ZSCAN5A: variants seen among roughly 807,000 people sequenced by gnomAD.
The protein encoded by ZSCAN5A is zinc finger and SCAN domain-containing protein 5A.
Under a neutral mutation model 23.7 loss-of-function variants are expected in ZSCAN5A, and 12 were observed. That is an observed-to-expected ratio of 0.51 (90% CI 0.32 to 0.82). ZSCAN5A has a LOEUF of 0.82. Among genes scored for constraint, ZSCAN5A ranks in the 40% least tolerant of loss-of-function variants. ZSCAN5A has a pLI of 0.03. For missense variants in ZSCAN5A, 597 were observed against 617.9 expected (o/e 0.97, Z 0.36); for synonymous variants, 257 against 239.9 (o/e 1.07, Z -0.66).
intron 1 of ZSCAN5A, chr19:56,365,819 G>A (rs2041760341): frequency 6.6e-6 from 1 of 152,162 alleles, no homozygotes; most frequent in African/African-American, 2.4e-5. Context: ...AGCTGAATGT[G>A]GTTAAGTCTG....
In ZSCAN5A at chr19:56,223,833, G is replaced by C. The variant is rs773021892; in HGVS notation, c.386C>G (p.Ser129Cys). The C allele has an allele frequency of 8.1e-6, 13 of 1,609,726 alleles. No individual in the cohort carries two copies. The African/African-American group carries it at 1.3e-4, about 17-fold the overall frequency. Residue 129 changes from serine to cysteine, a missense_variant and splice_region_variant, in exon 4 of 6, where the codon TCT (serine) becomes TGT (cysteine). By Grantham distance (112) the Ser-to-Cys change is moderately radical (BLOSUM62 -1). Around this residue, in one of 5 missense-constraint regions of ZSCAN5A, gnomAD observed 27 missense variants for 93.5 expected, o/e 0.29. Transcript: ENST00000683990. ...LRNNRRPKKW[S>C]VVTFHGKEYI... ...TTCCTTTCCGTGGAAGGTGACCACA[G>C]ACTGTAGAGAGAAAAAAGACAATCA...
chr19:56,312,582 A>T (rs964392335), intron 2 of ZSCAN5A: 2 of 152,244 alleles, frequency 1.3e-5, no homozygotes, highest in African/African-American at 4.8e-5. Context: ...TAGAGAAAAA[A>T]CTGGGGAAAT....
chr19:56,265,892 C>T (rs144748132), intron 2 of ZSCAN5A, among the ~76,000 whole-genome samples: 169 of 152,282 alleles, frequency 1.1e-3, no homozygotes, highest in African/African-American at 3.8e-3. Flanking sequence ...TTGAGGGACC[C>T]TGCTTGCTTT....
intron 2 of ZSCAN5A, 123 bp from the exon 3 acceptor site, chr19:56,225,296 TC>T: frequency 1.1e-6 from 1 of 920,968 alleles, no homozygotes; most frequent in Non-Finnish European, 1.5e-6. Context: ...GTGGAAATCT[TC>T]CAGTGTCTAT....
At chr19:56,301,890 G>C in intron 2 of ZSCAN5A, 1 of 1,230,960 alleles carries the variant, frequency 8.1e-7, no homozygotes, top group Non-Finnish European at 1.0e-6. Flanking sequence ...GATCAGAATG[G>C]AGAGACAGCA....
At chr19:56,342,386 C>T in intron 2 of ZSCAN5A, 1 of 230,222 alleles carries the variant, frequency 4.3e-6, no homozygotes, top group South Asian at 7.3e-5. Flanking sequence ...ATTGTAGATA[C>T]TAGTACCCTT....
chr19:56,261,672 G>C (rs997300780), intron 2 of ZSCAN5A, among the ~76,000 whole-genome samples: 1 of 151,972 alleles, frequency 6.6e-6, no homozygotes, highest in African/African-American at 2.4e-5. Flanking sequence ...AAGTGTATTA[G>C]GGGAGAAAAA....
chr19:56,222,496 T>C (rs2033365806), intron 5 of ZSCAN5A, 95 bp downstream of exon 5: 2 of 1,557,856 alleles, frequency 1.3e-6, no homozygotes, highest in Middle Eastern at 1.8e-4. Context: ...GACAGCTGAG[T>C]GCCAACTCCC....
At chr19:56,288,370 C>T (rs542414255) in intron 2 of ZSCAN5A, among the ~76,000 whole-genome samples, 1 of 152,330 alleles carries the variant, frequency 6.6e-6, no homozygotes, top group Admixed American at 6.5e-5. Flanking sequence ...CAGCTAACCC[C>T]TGCTCATCTT....
At chr19:56,301,975 C>T in intron 2 of ZSCAN5A, 5 of 1,232,118 alleles carry the variant, frequency 4.1e-6, no homozygotes, top group Non-Finnish European at 4.0e-6. Flanking sequence ...CAGTTAAACC[C>T]TTCTCAGGCA....
intron 2 of ZSCAN5A, among the ~76,000 whole-genome samples, chr19:56,270,149 G>GAA (rs11350502): frequency 1.9e-4 from 28 of 145,694 alleles, no homozygotes; most frequent in Non-Finnish European, 3.2e-4. Context: ...CACGCTGGGT[G>GAA]AAAAAAAAAA....
chr19:56,245,615 C>T (rs542731506), intron 2 of ZSCAN5A, among the ~76,000 whole-genome samples: 2 of 152,212 alleles, frequency 1.3e-5, no homozygotes, highest in Admixed American at 1.3e-4. Context: ...TTCTCTCCAC[C>T]ATGAGAGCTT....
intron 2 of ZSCAN5A, among the ~76,000 whole-genome samples, chr19:56,298,897 T>C (rs779272700): frequency 6.6e-6 from 1 of 152,200 alleles, no homozygotes; most frequent in Non-Finnish European, 1.5e-5. Context: ...AAGGAAAATT[T>C]CAGGCCAATC....
intron 2 of ZSCAN5A, among the ~76,000 whole-genome samples, chr19:56,273,696 G>T (rs1210160726): frequency 6.6e-6 from 1 of 152,136 alleles, no homozygotes; most frequent in East Asian, 1.9e-4. Flanking sequence ...AACGTGGTAG[G>T]CAGAAGGAGG....
At chr19:56,251,713 C>T (rs569402569) in intron 2 of ZSCAN5A, among the ~76,000 whole-genome samples, 3 of 152,232 alleles carry the variant, frequency 2.0e-5, no homozygotes, top group South Asian at 2.1e-4. Context: ...TTATCCTGCC[C>T]GCTCAGCCTG....
At chr19:56,268,516 T>C (rs1256711967) in intron 2 of ZSCAN5A, among the ~76,000 whole-genome samples, 1 of 152,236 alleles carries the variant, frequency 6.6e-6, no homozygotes, top group Non-Finnish European at 1.5e-5. Context: ...ACTTTTAATA[T>C]GCACAGTCCC....
chr19:56,362,697 G>A lies in ZSCAN5A; in HGVS notation c.-358+538C>T, dbSNP rs551623466. Reference sequence around the variant, plus strand: ...ATCCTGGCTAACACGGTAAAACCCCGTCTCTACTGAAAAATACAAAAAAAT... The same window carrying A: ...ATCCTGGCTAACACGGTAAAACCCCATCTCTACTGAAAAATACAAAAAAAT... On this transcript the variant is annotated intron_variant, in intron 2 of 6. Coordinates refer to the ZSCAN5A transcript ENST00000587340. 4.6e-5 allele frequency among the ~76,000 whole-genome samples: 7 copies of A among 152,046 alleles called. No individual in the cohort carries two copies. In the South Asian group the frequency reaches 1.0e-3, roughly 23 times the overall value.
At chr19:56,324,893 T>C (rs938467879) in intron 2 of ZSCAN5A, among the ~76,000 whole-genome samples, 1 of 152,150 alleles carries the variant, frequency 6.6e-6, no homozygotes, top group Non-Finnish European at 1.5e-5. Context: ...TGAAAAACAA[T>C]AGACAACCAC....
chr19:56,238,061 G>A (rs2035115710), intron 2 of ZSCAN5A, among the ~76,000 whole-genome samples: 2 of 1,020 alleles, frequency 2.0e-3, no homozygotes, highest in Admixed American at 0.026. Context: ...TATGTGTCTA[G>A]TCCCCTAGAC....
Sources: allele counts gnomAD v4.1 joint callset (sites outside exome capture counted in the v4.1 genomes callset), GRCh38; gene constraint gnomAD v4.1.1; regional missense constraint gnomAD v4.1.1; transcripts MANE v1.5; gene names NCBI Gene and HGNC (gene_info 2026-07-23, HGNC 2026-07-21).